NDUFAF6: variants seen among roughly 807,000 people sequenced by gnomAD.
The protein encoded by NDUFAF6 is NADH:ubiquinone oxidoreductase complex assembly factor 6.
A neutral mutation model predicts 40.8 loss-of-function variants in NDUFAF6; 45 were observed. The observed-to-expected ratio is 1.10, with a 90% CI of 0.87 to 1.42. NDUFAF6 has a LOEUF of 1.42. NDUFAF6 is among the 40% of genes most tolerant of loss of function. NDUFAF6 has a pLI of 0.00. For missense variants in NDUFAF6, 435 were observed against 418.5 expected (o/e 1.04, Z -0.34); for synonymous variants, 185 against 155.9 (o/e 1.19, Z -1.39).
intron 1 of NDUFAF6, among the ~76,000 whole-genome samples, chr8:94,938,244 C>CA: frequency 1.3e-5 from 2 of 152,288 alleles, no homozygotes; most frequent in South Asian, 4.1e-4. Flanking sequence ...CATGCTCATA[C>CA]AGTACGATGA....
At chr8:95,062,155 TCA>T (rs1491241991), downstream of NDUFAF6, among the ~76,000 whole-genome samples, 1 of 137,404 alleles carries the variant, frequency 7.3e-6, no homozygotes, top group African/African-American at 3.0e-5. Context: ...AGACCGTGGC[TCA>T]AAAAAAAAAA....
intron 1 of NDUFAF6, among the ~76,000 whole-genome samples, chr8:94,913,948 C>T (rs563884766): frequency 4.6e-5 from 7 of 152,232 alleles, no homozygotes; most frequent in Admixed American, 3.9e-4. Context: ...TGCACCACCA[C>T]GCCCAGCTAA....
chr8:95,031,611 T>G (rs71532342), intron 1 of NDUFAF6, among the ~76,000 whole-genome samples: 1 of 152,122 alleles, frequency 6.6e-6, no homozygotes, highest in African/African-American at 2.4e-5. Context: ...GTTGTTATTG[T>G]TTTTTTGAGA....
At chr8:95,071,193 A>G (rs919237223) in intron 9 of NDUFAF6, among the ~76,000 whole-genome samples, 11 of 151,436 alleles carry the variant, frequency 7.3e-5, no homozygotes, top group Non-Finnish European at 1.3e-4. Context: ...AATCAAGACC[A>G]TCCTGGCTAA....
rs373963558 is a variant in NDUFAF6 at position 94,958,082 on chromosome 8, CG to C, written c.-294del. ...AACAGATGGTGGTCAGTGGTGACTTCGGCACAGGCAGTTCGTGAGGAGTGGT... is the reference window on the plus strand; with the variant it reads ...AACAGATGGTGGTCAGTGGTGACTTCGCACAGGCAGTTCGTGAGGAGTGGT... On this transcript the variant is annotated 5_prime_UTR_variant, in exon 1 of 10. Coordinates refer to the NDUFAF6 transcript ENST00000396111. The C allele has an allele frequency of 1.3e-4, 20 of 152,572 alleles. No individual in the cohort carries two copies. The East Asian group carries it at 3.7e-3, about 28-fold the overall frequency. The allele number at this position is 152,572 out of a possible 1,614,324, so 9.5% of individuals were successfully genotyped here.
intron 2 of NDUFAF6, among the ~76,000 whole-genome samples, chr8:95,009,810 T>G (rs753667317): frequency 2.6e-5 from 4 of 152,168 alleles, no homozygotes; most frequent in Non-Finnish European, 4.4e-5. Context: ...TACAAATATA[T>G]CCCTCTATTG....
intron 1 of NDUFAF6, among the ~76,000 whole-genome samples, chr8:94,980,112 A>G (rs1293898051): frequency 6.6e-6 from 1 of 151,544 alleles, no homozygotes; most frequent in Non-Finnish European, 1.5e-5. Flanking sequence ...GAAAAAAAAA[A>G]CAACAAAAAA....
chr8:95,066,870 T>G (rs1312216639), intron 9 of NDUFAF6: 5 of 152,206 alleles, frequency 3.3e-5, no homozygotes, highest in African/African-American at 1.2e-4. Flanking sequence ...ACTAAAACAT[T>G]TTTAGTTTGT....
chr8:95,012,437 C>T (rs1489158238), intron 2 of NDUFAF6, among the ~76,000 whole-genome samples: 1 of 152,194 alleles, frequency 6.6e-6, no homozygotes, highest in African/African-American at 2.4e-5. Context: ...CCTGATAAAG[C>T]TACACACAGC....
intron 2 of NDUFAF6, among the ~76,000 whole-genome samples, chr8:95,084,529 G>C (rs1173407809): frequency 6.6e-6 from 1 of 151,910 alleles, no homozygotes; most frequent in Admixed American, 6.6e-5. Flanking sequence ...GTCTCTCCTT[G>C]GTTTGAGTCC....
At chr8:95,104,442 C>T (rs913198555), downstream of NDUFAF6, among the ~76,000 whole-genome samples, 9 of 152,194 alleles carry the variant, frequency 5.9e-5, no homozygotes, top group African/African-American at 1.9e-4. Context: ...TACGCATTTA[C>T]ATTTGTAACT....
chr8:94,919,571 G>A (rs1012879880), intron 1 of NDUFAF6, among the ~76,000 whole-genome samples: 6 of 152,114 alleles, frequency 3.9e-5, no homozygotes, highest in African/African-American at 1.4e-4. Context: ...GGAATACATA[G>A]CGTTGAATCT....
chr8:95,034,897 T>TA (rs1187217024), intron 2 of NDUFAF6, among the ~76,000 whole-genome samples: 2 of 151,760 alleles, frequency 1.3e-5, no homozygotes, highest in Non-Finnish European at 2.9e-5. Context: ...TTTTTTTTTT[T>TA]AGATGGAGTT....
rs551515607 is a variant in NDUFAF6, at chr8:95,055,628, C to T, written c.874-2181C>T. Among the ~76,000 whole-genome samples the T allele has an allele frequency of 2.6e-5, 4 of 152,140 alleles. No individual in the cohort carries two copies. In the South Asian group the frequency reaches 8.3e-4, roughly 32 times the overall value. On this transcript the variant is annotated intron_variant, in intron 8 of 8. Transcript: ENST00000396124. The stretch of plus-strand genomic sequence containing the variant: ...TATTAAGGGATAAAAAAGCAAGTTA[C>T]AGAACATGAAATAGCATGAGCTTTC...
intron 3 of NDUFAF6, chr8:95,036,207 G>A (rs1035034268): frequency 2.0e-6 from 2 of 994,772 alleles, no homozygotes; most frequent in Admixed American, 3.7e-5. Context: ...TCACTCATAA[G>A]CAGCCACACA....
At chr8:95,104,059 T>C, downstream of NDUFAF6, among the ~76,000 whole-genome samples, 1 of 152,196 alleles carries the variant, frequency 6.6e-6, no homozygotes, top group Non-Finnish European at 1.5e-5. Context: ...TTTAATGTGA[T>C]AGAGACAAGG....
chr8:95,027,368 TAA>T (rs749219025), intron 1 of NDUFAF6, among the ~76,000 whole-genome samples: 13 of 151,520 alleles, frequency 8.6e-5, no homozygotes, highest in Non-Finnish European at 1.3e-4. Context: ...TGCTTGAGCC[TAA>T]GAGTTCCAGA....
intron 2 of NDUFAF6, 120 bp downstream of exon 2, chr8:95,032,214 G>A: frequency 1.2e-6 from 1 of 858,352 alleles, no homozygotes; most frequent in African/African-American, 1.7e-5. Flanking sequence ...GTCTCTGCTA[G>A]TGATTTCTTT....
chr8:95,105,086 G>C (rs1031826751), downstream of NDUFAF6, among the ~76,000 whole-genome samples: 3,291 of 147,212 alleles, frequency 0.022, 114 homozygotes, highest in African/African-American at 0.077. Flanking sequence ...GAGAGAGAGA[G>C]AGAGAGAGAG....
Sources: gnomAD v4.1 joint callset for allele counts (sites outside exome capture counted in the v4.1 genomes callset) on GRCh38, gnomAD v4.1.1 for gene constraint, MANE v1.5 for transcripts, NCBI Gene and HGNC (gene_info 2026-07-23, HGNC 2026-07-21) for gene names.